CTCF: variants seen among roughly 807,000 people sequenced by gnomAD.
The protein encoded by CTCF is CCCTC-binding factor.
In CTCF, 7 loss-of-function variants were observed where a neutral mutation model predicts 72.3. The ratio of observed to expected loss-of-function variants is 0.10; its 90% CI spans 0.06 to 0.18. The LOEUF (loss-of-function observed/expected upper bound fraction) is 0.18, where lower values mean the gene tolerates loss of function less well. Among genes scored for constraint, CTCF ranks in the 10% least tolerant of loss-of-function variants. The pLI is 1.00. For synonymous variants in CTCF, 374 were observed against 315.8 expected (o/e 1.18, Z -1.95); for missense variants, 516 against 949.1 (o/e 0.54, Z 6.00).
At chr16:67,601,160 CATCGTCTGGAAAGAAAGTA>C in intron 2 of CTCF, among the ~76,000 whole-genome samples, 1 of 151,796 alleles carries the variant, frequency 6.6e-6, no homozygotes, top group Non-Finnish European at 1.5e-5. Flanking sequence ...GAGAGACTCC[CATCGTCTGGAAAGAAAGTA>C]AAAGGAGAGA....
At chr16:67,567,890 C>CCTTT (rs2051363340) in intron 1 of CTCF, 1 of 55,398 alleles carries the variant, frequency 1.8e-5, no homozygotes, top group African/African-American at 9.6e-5. Flanking sequence ...CCATACTCGG[C>CCTTT]TTTTTTTTTT....
intron 7 of CTCF, among the ~76,000 whole-genome samples, chr16:67,624,071 A>ATATGTGTGTGTGTG (rs71382019): frequency 6.0e-5 from 7 of 117,586 alleles, no homozygotes; most frequent in African/African-American, 2.4e-4. Context: ...AAAATTATAT[A>ATATGTGTGTGTGTG]TGTGTGTGTG....
intron 2 of CTCF, among the ~76,000 whole-genome samples, chr16:67,584,059 T>A (rs2051626756): frequency 6.6e-6 from 1 of 152,190 alleles, no homozygotes; most frequent in African/African-American, 2.4e-5. Flanking sequence ...GCAGCCTCAC[T>A]GTGTGCAGTC....
At chr16:67,564,470 T>A (rs1441027726) in intron 1 of CTCF, among the ~76,000 whole-genome samples, 2 of 152,238 alleles carry the variant, frequency 1.3e-5, no homozygotes, top group Non-Finnish European at 2.9e-5. Context: ...TTTCTATGTC[T>A]CCTTTTGGAA....
intron 2 of CTCF, among the ~76,000 whole-genome samples, chr16:67,609,248 A>AT (rs1273945648): frequency 2.0e-5 from 3 of 152,082 alleles, no homozygotes; most frequent in Non-Finnish European, 2.9e-5. Flanking sequence ...CATCCTTGTC[A>AT]TTTTTTGTGA....
chr16:67,620,021 G>C (rs2052181583), intron 5 of CTCF, among the ~76,000 whole-genome samples: 1 of 152,148 alleles, frequency 6.6e-6, no homozygotes, highest in Non-Finnish European at 1.5e-5. Context: ...AAACGCTAAT[G>C]ATAGGAAAAG....
At chr16:67,633,816 T>TCTCACTCA (rs1555536513) in intron 10 of CTCF, among the ~76,000 whole-genome samples, 1 of 141,152 alleles carries the variant, frequency 7.1e-6, no homozygotes, top group East Asian at 2.1e-4. Flanking sequence ...ACACACACAC[T>TCTCACTCA]CTCACTCACT....
intron 2 of CTCF, among the ~76,000 whole-genome samples, chr16:67,605,851 C>A (rs2051966763): frequency 6.6e-6 from 1 of 152,096 alleles, no homozygotes; most frequent in African/African-American, 2.4e-5. Flanking sequence ...GGAACTGTGT[C>A]TGGATGAAAA....
At chr16:67,568,945 C>T (rs910893047) in intron 1 of CTCF, among the ~76,000 whole-genome samples, 5 of 151,708 alleles carry the variant, frequency 3.3e-5, no homozygotes, top group Non-Finnish European at 7.4e-5. Flanking sequence ...TCAAGCGATT[C>T]TCCTGCCCCA....
Position 67,576,550 on chromosome 16 carries a change from G to GTTT in CTCF, c.-10+5305_-10+5307dup, listed in dbSNP as rs35771667. 2.2e-3 allele frequency among the ~76,000 whole-genome samples: 242 copies of GTTT among 108,246 alleles called. 3 individuals are homozygous for GTTT. The highest frequency in any genetic ancestry group is 4.0e-3 in the African/African-American group (103 of 25,886). 71.0% of individuals were successfully genotyped at this position (108,246 alleles called of 152,430 possible). ...TTATGATACATCCCTATAATAGAAT[G>GTTT]TTTTTTTTTTTTTTTTTTTTTGAGA... On this transcript the variant is annotated intron_variant, in intron 2 of 11. Coordinates refer to ENST00000264010, the MANE Select transcript of CTCF (RefSeq NM_006565.4).
chr16:67,604,744 TGTTTTTTG>T lies in CTCF; in HGVS notation c.-9-6079_-9-6072del, dbSNP rs1238838761. Among the ~76,000 whole-genome samples, 754 of 129,568 alleles carry T rather than the reference TGTTTTTTG, an allele frequency of 5.8e-3. 18 individuals are homozygous for T. Among genetic ancestry groups the T allele is most frequent in the African/African-American group, 0.022 (703 of 31,870 alleles). The allele number at this position is 129,568 out of a possible 152,430, so 85.0% of individuals were successfully genotyped here. On this transcript the variant is annotated intron_variant, in intron 2 of 11. Transcript: ENST00000264010. ...ATTTCACCAGGGTTTTTTTTTTTTT[TGTTTTTTG>T]TTTTTTTTTTTTACTTTTTAATATG... is the stretch of plus-strand genomic sequence containing the variant.
chr16:67,585,200 CCA>C (rs1347624274), intron 2 of CTCF, among the ~76,000 whole-genome samples: 14 of 152,302 alleles, frequency 9.2e-5, no homozygotes, highest in Non-Finnish European at 5.9e-5. Context: ...CAGGCATGCA[CCA>C]TCATGCCCGG....
At chr16:67,601,540 C>T (rs1212625514) in intron 2 of CTCF, among the ~76,000 whole-genome samples, 2 of 151,918 alleles carry the variant, frequency 1.3e-5, no homozygotes, top group Non-Finnish European at 2.9e-5. Context: ...GATGGGGTTT[C>T]ACCATGTTAG....
At chr16:67,621,312 C>A in intron 6 of CTCF, 130 bp from the exon 7 acceptor site, 1 of 661,372 alleles carries the variant, frequency 1.5e-6, no homozygotes, top group Non-Finnish European at 2.6e-6. Flanking sequence ...GGAACTGGGA[C>A]TGAGCCTCAG....
At chr16:67,578,849 G>A (rs1000355094) in intron 2 of CTCF, among the ~76,000 whole-genome samples, 8 of 151,830 alleles carry the variant, frequency 5.3e-5, no homozygotes, top group African/African-American at 1.9e-4. Context: ...TCAGGTGGCT[G>A]AGGCAGGAGA....
At chr16:67,596,417 T>C (rs1018856241) in intron 2 of CTCF, among the ~76,000 whole-genome samples, 1 of 152,192 alleles carries the variant, frequency 6.6e-6, no homozygotes, top group African/African-American at 2.4e-5. Flanking sequence ...CCCAGCTTTT[T>C]CTTTCAGTGT....
chr16:67,638,802 A>C lies in CTCF; in HGVS notation c.*930A>C, dbSNP rs1397300856. 2 of 213,690 alleles carry C rather than the reference A, an allele frequency of 9.4e-6. No homozygotes were observed. The highest frequency in any genetic ancestry group is 1.9e-5 in the Non-Finnish European group (2 of 105,564). The allele number at this position is 213,690 out of a possible 1,614,324, so 13.2% of individuals were successfully genotyped here. Reference sequence around the variant, plus strand: ...ATGAGTGGTTCACAGCAGCCCTTATAAGCTGGGCCAGAAAATTTCACTAGG... The same window carrying C: ...ATGAGTGGTTCACAGCAGCCCTTATCAGCTGGGCCAGAAAATTTCACTAGG... On this transcript the variant is annotated 3_prime_UTR_variant, in exon 12 of 12. Transcript: ENST00000264010.
intron 8 of CTCF, among the ~76,000 whole-genome samples, chr16:67,628,130 G>T (rs747193561): frequency 2.6e-5 from 4 of 152,110 alleles, no homozygotes; most frequent in Non-Finnish European, 5.9e-5. Flanking sequence ...AGGCATGGTG[G>T]CTCATACCTA....
intron 1 of CTCF, among the ~76,000 whole-genome samples, chr16:67,568,918 A>C (rs1256086951): frequency 6.7e-6 from 1 of 149,658 alleles, no homozygotes; most frequent in Non-Finnish European, 1.5e-5. Flanking sequence ...GCTCACTGAA[A>C]CCTCTGCTTC....
Sources: allele counts gnomAD v4.1 joint callset (sites outside exome capture counted in the v4.1 genomes callset), GRCh38; gene constraint gnomAD v4.1.1; transcripts MANE v1.5; gene names NCBI Gene and HGNC (gene_info 2026-07-23, HGNC 2026-07-21).